INPP4B: variants seen among roughly 807,000 people sequenced by gnomAD.
INPP4B encodes the protein inositol polyphosphate-4-phosphatase type II B.
Under a neutral mutation model 122.5 loss-of-function variants are expected in INPP4B, and 55 were observed. The observed-to-expected ratio is 0.45, with a 90% confidence interval of 0.36 to 0.56. The LOEUF (loss-of-function observed/expected upper bound fraction) is 0.56, where lower values mean the gene tolerates loss of function less well. Ranked by LOEUF, INPP4B falls within the 20% of genes least tolerant of loss-of-function variation. INPP4B has a pLI of 0.00. For synonymous variants in INPP4B, 403 were observed against 388.7 expected (o/e 1.04, Z -0.43); for missense variants, 1,000 against 1,097.7 (o/e 0.91, Z 1.26).
chr4:142,407,246 T>C (rs981779314), intron 5 of INPP4B, among the ~76,000 whole-genome samples: 1 of 152,264 alleles, frequency 6.6e-6, no homozygotes, highest in African/African-American at 2.4e-5. Context: ...TTTCCTGATA[T>C]TGACATATAT....
intron 7 of INPP4B, among the ~76,000 whole-genome samples, chr4:142,373,240 AG>A (rs1458760787): frequency 6.6e-6 from 1 of 152,012 alleles, no homozygotes; most frequent in Admixed American, 6.6e-5. Flanking sequence ...TAAAGCAGAA[AG>A]TGTTTGAGAT....
At chr4:142,174,682 T>C (rs1368230358) in intron 15 of INPP4B, among the ~76,000 whole-genome samples, 1 of 152,030 alleles carries the variant, frequency 6.6e-6, no homozygotes, top group African/African-American at 2.4e-5. Flanking sequence ...TGTAGTACAG[T>C]GGCACAATCA....
intron 3 of INPP4B, among the ~76,000 whole-genome samples, chr4:142,450,684 T>A (rs1813954803): frequency 6.6e-6 from 1 of 152,186 alleles, no homozygotes; most frequent in African/African-American, 2.4e-5. Context: ...TTATAACAAA[T>A]GTATTCAGTA....
At chr4:142,405,773 T>C (rs1803202174) in intron 5 of INPP4B, among the ~76,000 whole-genome samples, 1 of 152,136 alleles carries the variant, frequency 6.6e-6, no homozygotes, top group Non-Finnish European at 1.5e-5. Context: ...TCCTTACCTA[T>C]GTATTCACTA....
At chr4:142,574,292 G>T (rs921158683) in intron 2 of INPP4B, among the ~76,000 whole-genome samples, 4 of 151,958 alleles carry the variant, frequency 2.6e-5, no homozygotes, top group African/African-American at 4.8e-5. Context: ...GTATTCTTCA[G>T]CCTCCTTATT....
intron 1 of INPP4B, among the ~76,000 whole-genome samples, chr4:142,804,056 C>CATAA (rs369611706): frequency 0.046 from 6,576 of 141,664 alleles, 169 homozygotes; most frequent in East Asian, 0.052. Flanking sequence ...GAGACTCCAT[C>CATAA]ATAAATAAAT....
At chr4:142,804,919 G>A (rs11724017) in intron 1 of INPP4B, among the ~76,000 whole-genome samples, 36,444 of 152,048 alleles carry the variant, frequency 0.24, 4,610 homozygotes, top group South Asian at 0.34. Context: ...CACTGGCCTC[G>A]GCCTCCCAAA....
chr4:142,397,474 T>C (rs376996459), intron 7 of INPP4B, among the ~76,000 whole-genome samples: 1 of 152,154 alleles, frequency 6.6e-6, no homozygotes, highest in South Asian at 2.1e-4. Context: ...GCCTAAAAAT[T>C]TTGGATATAG....
At chr4:142,360,997 C>G (rs1007830101) in intron 7 of INPP4B, among the ~76,000 whole-genome samples, 1 of 151,750 alleles carries the variant, frequency 6.6e-6, no homozygotes, top group Non-Finnish European at 1.5e-5. Flanking sequence ...GAGTGTCATC[C>G]TTGATGCTTT....
intron 23 of INPP4B, among the ~76,000 whole-genome samples, chr4:142,094,032 A>T (rs1239242703): frequency 6.6e-6 from 1 of 152,226 alleles, no homozygotes; most frequent in Non-Finnish European, 1.5e-5. Flanking sequence ...CGACGATAAC[A>T]TATTTTTTTC....
chr4:142,691,283 A>G (rs1308155589), intron 2 of INPP4B, among the ~76,000 whole-genome samples: 1 of 152,130 alleles, frequency 6.6e-6, no homozygotes, highest in Non-Finnish European at 1.5e-5. Flanking sequence ...AAGCATTTTG[A>G]AAAAATGTCA....
chr4:142,102,460 C>CTTTTTTTT (rs35404733), intron 23 of INPP4B, among the ~76,000 whole-genome samples: 1 of 99,694 alleles, frequency 1.0e-5, no homozygotes, highest in Non-Finnish European at 2.1e-5. Context: ...TGAACAAAGT[C>CTTTTTTTT]TTTTTTTTTT....
At chr4:142,593,348 C>T (rs1167610051) in intron 2 of INPP4B, among the ~76,000 whole-genome samples, 1 of 152,100 alleles carries the variant, frequency 6.6e-6, no homozygotes, top group African/African-American at 2.4e-5. Flanking sequence ...CTCACTCAGT[C>T]ACCTCTTATA....
intron 5 of INPP4B, among the ~76,000 whole-genome samples, chr4:142,421,563 T>C (rs956098789): frequency 3.9e-5 from 6 of 152,170 alleles, no homozygotes; most frequent in Non-Finnish European, 2.9e-5. Flanking sequence ...TATAGAATAT[T>C]GCAAGAGAAT....
chr4:142,787,367 GC>G (rs1244508845), intron 1 of INPP4B, among the ~76,000 whole-genome samples: 1 of 152,048 alleles, frequency 6.6e-6, no homozygotes, highest in Non-Finnish European at 1.5e-5. Context: ...AACAAGTTTG[GC>G]CCCTGTTACT....
At chr4:142,618,439 T>A (rs1387911140) in intron 2 of INPP4B, among the ~76,000 whole-genome samples, 1 of 151,990 alleles carries the variant, frequency 6.6e-6, no homozygotes, top group Non-Finnish European at 1.5e-5. Context: ...GCATGTATGA[T>A]CAACTGATTT....
intron 12 of INPP4B, among the ~76,000 whole-genome samples, chr4:142,227,361 A>C (rs547933492): frequency 1.3e-5 from 2 of 152,274 alleles, no homozygotes; most frequent in Admixed American, 1.3e-4. Flanking sequence ...AGGGGTAAGG[A>C]GTGCACACTG....
At chr4:142,631,749 G>GA (rs774686854) in intron 2 of INPP4B, among the ~76,000 whole-genome samples, 6 of 152,168 alleles carry the variant, frequency 3.9e-5, no homozygotes, top group Non-Finnish European at 8.8e-5. Context: ...TCTATCTACA[G>GA]AAAAAAGGAA....
intron 12 of INPP4B, among the ~76,000 whole-genome samples, chr4:142,232,728 C>T (rs537538474): frequency 6.6e-6 from 1 of 152,176 alleles, no homozygotes; most frequent in South Asian, 2.1e-4. Flanking sequence ...AGTTAGGCCT[C>T]TTGTGCCAAA....
Sources: allele counts gnomAD v4.1 joint callset (sites outside exome capture counted in the v4.1 genomes callset), GRCh38; gene constraint gnomAD v4.1.1; transcripts MANE v1.5; gene names NCBI Gene and HGNC (gene_info 2026-07-23, HGNC 2026-07-21).